The following BCAS4 variants were observed in gnomAD, a reference collection of about 807,000 sequenced individuals.
BCAS4 encodes the protein breast carcinoma-amplified sequence 4.
In BCAS4, 9 loss-of-function variants were observed where a neutral mutation model predicts 15.7. That is an observed-to-expected ratio of 0.57 (90% confidence interval 0.34 to 1.00). BCAS4 has a LOEUF of 1.00. Ranked by LOEUF, BCAS4 falls within the 50% of genes least tolerant of loss-of-function variation. The pLI, the probability that BCAS4 is intolerant of heterozygous loss-of-function variation, is 0.02. For missense variants in BCAS4, 225 were observed against 239.1 expected, an observed-to-expected ratio of 0.94 and a Z score of 0.39; for synonymous variants, 101 against 99.5, an observed-to-expected ratio of 1.02 and a Z score of -0.09.
At chr20:50,801,287 G>A (rs111378856) in intron 1 of BCAS4, among the ~76,000 whole-genome samples, 21,000 of 152,082 alleles carry the variant, frequency 0.14, 1,540 homozygotes, top group South Asian at 0.16. Context: ...TTAGTTGTGC[G>A]TAGTGGCAGG....
intron 1 of BCAS4, among the ~76,000 whole-genome samples, chr20:50,809,991 A>G (rs929848251): frequency 5.9e-5 from 9 of 152,148 alleles, no homozygotes; most frequent in Non-Finnish European, 1.3e-4. Context: ...TACCAGTTGT[A>G]GGAGCTTTTT....
chr20:50,797,578 A>T (rs2087880881), intron 1 of BCAS4, among the ~76,000 whole-genome samples: 1 of 152,154 alleles, frequency 6.6e-6, no homozygotes, highest in Non-Finnish European at 1.5e-5. Context: ...ACGAACAAAA[A>T]TTTAAAAATT....
At chr20:50,803,014 C>T (rs1235499923) in intron 1 of BCAS4, among the ~76,000 whole-genome samples, 1 of 152,160 alleles carries the variant, frequency 6.6e-6, no homozygotes. Context: ...AACCCAGTCT[C>T]TACAAAAAAT....
chr20:50,833,279 A>G (rs2088365843), intron 3 of BCAS4, among the ~76,000 whole-genome samples: 1 of 152,186 alleles, frequency 6.6e-6, no homozygotes, highest in Admixed American at 6.5e-5. Flanking sequence ...AGCAGCAGCC[A>G]GGTTGTCCAA....
chr20:50,864,863 G>A (rs1289640073), intron 4 of BCAS4, among the ~76,000 whole-genome samples: 1 of 151,908 alleles, frequency 6.6e-6, no homozygotes, highest in African/African-American at 2.4e-5. Context: ...GGAGGCCGAG[G>A]CAAGCAGATT....
At chr20:50,805,785 G>A (rs891823543) in intron 1 of BCAS4, among the ~76,000 whole-genome samples, 9 of 152,120 alleles carry the variant, frequency 5.9e-5, no homozygotes, top group African/African-American at 2.2e-4. Flanking sequence ...GACCAGCCTG[G>A]ACAACATGGC....
intron 4 of BCAS4, among the ~76,000 whole-genome samples, chr20:50,844,411 C>A (rs73615345): frequency 6.6e-6 from 1 of 151,996 alleles, no homozygotes; most frequent in Non-Finnish European, 1.5e-5. Flanking sequence ...ACACTCTAGC[C>A]TGGACAACAG....
At chr20:50,868,107 G>T (rs531754374) in intron 4 of BCAS4, among the ~76,000 whole-genome samples, 1 of 152,254 alleles carries the variant, frequency 6.6e-6, no homozygotes, top group African/African-American at 2.4e-5. Context: ...CTGTGGGTTT[G>T]GGGGAGGAAG....
At chr20:50,840,584 T>G in intron 3 of BCAS4, 3 of 1,557,082 alleles carry the variant, frequency 1.9e-6, no homozygotes, top group Non-Finnish European at 2.7e-6. Context: ...GCTTGTGGAA[T>G]GTACAGTGCA....
At chr20:50,818,317 C>A (rs773520407) in intron 2 of BCAS4, 35 bp downstream of exon 2, 113 of 1,189,264 alleles carry the variant, frequency 9.5e-5, no homozygotes, top group African/African-American at 1.1e-4. Flanking sequence ...GGTTTAGGCC[C>A]AGGCCAGACT....
chr20:50,834,779 A>C (rs545187039), intron 3 of BCAS4, among the ~76,000 whole-genome samples: 80 of 152,302 alleles, frequency 5.3e-4, no homozygotes, highest in African/African-American at 1.7e-3. Context: ...CCTGTGCTGG[A>C]CATTTCATGC....
chr20:50,808,907 T>A (rs1319310138), intron 1 of BCAS4, among the ~76,000 whole-genome samples: 3 of 152,228 alleles, frequency 2.0e-5, no homozygotes, highest in Non-Finnish European at 2.9e-5. Flanking sequence ...AGTCTTTGCC[T>A]AAGCCAATCT....
In BCAS4 at chr20:50,845,150, G is replaced by A. The variant is rs892364618; in HGVS notation, c.399+3250G>A. Among the ~76,000 whole-genome samples, 10 of 152,210 alleles carry A rather than the reference G, an allele frequency of 6.6e-5. No individual in the cohort carries two copies. In the East Asian group the frequency reaches 1.5e-3, roughly 24 times the overall value. ...TTCCTGTTTTACAGATGAGGAAACCGAGTCACTGAGGGGTTAAGTTGCTTG... is the reference window on the plus strand; with the variant it reads ...TTCCTGTTTTACAGATGAGGAAACCAAGTCACTGAGGGGTTAAGTTGCTTG... On this transcript the variant is annotated intron_variant, in intron 4 of 4. Transcript: ENST00000371608.
chr20:50,841,529 A>T (rs1045727075), intron 3 of BCAS4, among the ~76,000 whole-genome samples: 4 of 152,132 alleles, frequency 2.6e-5, no homozygotes, highest in African/African-American at 7.2e-5. Context: ...GGAGGCTAAG[A>T]ACAGGGTCCC....
chr20:50,804,894 T>C (rs2087971652), intron 1 of BCAS4, among the ~76,000 whole-genome samples: 1 of 152,170 alleles, frequency 6.6e-6, no homozygotes, highest in South Asian at 2.1e-4. Context: ...TCCTTCCTGG[T>C]TTGCAGTTCA....
chr20:50,821,170 A>G (rs565854470), intron 2 of BCAS4, among the ~76,000 whole-genome samples: 10 of 152,292 alleles, frequency 6.6e-5, no homozygotes, highest in Non-Finnish European at 1.2e-4. Flanking sequence ...TTGATAGATG[A>G]TGTTTCTCTG....
intron 1 of BCAS4, among the ~76,000 whole-genome samples, chr20:50,806,920 G>A (rs936531400): frequency 1.5e-5 from 2 of 137,786 alleles, no homozygotes; most frequent in African/African-American, 5.4e-5. Flanking sequence ...TGCCCAGGCT[G>A]GAGTGCAGTG....
At position 50,812,328 on chromosome 20, in the gene BCAS4, T is replaced by G. The variant is rs2088077217; in HGVS notation, c.91-5883T>G. On this transcript the variant is annotated intron_variant, in intron 1 of 4. Coordinates refer to ENST00000371608, the MANE Select transcript of BCAS4 (RefSeq NM_198799.4). ...TTTGTATTTTTTAGTAGAGACGGGG[T>G]TTCACCGTGTTAGCCAGGATGGTCT... Among the ~76,000 whole-genome samples, 2 of 151,904 alleles carry G rather than the reference T, an allele frequency of 1.3e-5. 1 individual carries two copies. Among genetic ancestry groups the G allele is most frequent in the South Asian group, 4.2e-4 (2 of 4,800 alleles).
intron 4 of BCAS4, among the ~76,000 whole-genome samples, chr20:50,865,953 C>T (rs1319291434): frequency 6.6e-6 from 1 of 152,160 alleles, no homozygotes; most frequent in African/African-American, 2.4e-5. Context: ...GGCTGAGGTA[C>T]AGAAAGCCCG....
Sources: allele counts gnomAD v4.1 joint callset (sites outside exome capture counted in the v4.1 genomes callset), GRCh38; gene constraint gnomAD v4.1.1; transcripts MANE v1.5; gene names NCBI Gene and HGNC (gene_info 2026-07-23, HGNC 2026-07-21).